The following ZBTB46 variants were observed in gnomAD, a reference collection of about 807,000 sequenced individuals.
The protein encoded by ZBTB46 is zinc finger and BTB domain-containing protein 46.
ZBTB46 carries 8 observed loss-of-function variants against 44.1 expected under a neutral mutation model. The observed-to-expected ratio is 0.18, with a 90% CI of 0.11 to 0.33. The LOEUF (loss-of-function observed/expected upper bound fraction) is 0.33, where lower values mean the gene tolerates loss of function less well. Among genes scored for constraint, ZBTB46 ranks in the 10% least tolerant of loss-of-function variants. ZBTB46 has a pLI of 1.00. For missense variants in ZBTB46, 651 were observed against 847.7 expected, an observed-to-expected ratio of 0.77 and a Z score of 2.88; for synonymous variants, 409 against 382.3, an observed-to-expected ratio of 1.07 and a Z score of -0.81.
chr20:63,800,826 G>T (rs66780440), intron 1 of ZBTB46, among the ~76,000 whole-genome samples: 1 of 152,098 alleles, frequency 6.6e-6, no homozygotes, highest in Non-Finnish European at 1.5e-5. Flanking sequence ...CCCCCTCCCC[G>T]CAGTGGGCTC....
At chr20:63,822,802 C>T (rs2092799612) in intron 1 of ZBTB46, among the ~76,000 whole-genome samples, 3 of 151,916 alleles carry the variant, frequency 2.0e-5, no homozygotes, top group Non-Finnish European at 2.9e-5. Context: ...ATGCTTGAGC[C>T]CAGGAGTTTG....
At chr20:63,772,722 AACACACACACACACACAC>A (rs67126549) in intron 3 of ZBTB46, among the ~76,000 whole-genome samples, 1 of 20,258 alleles carries the variant, frequency 4.9e-5, no homozygotes, top group African/African-American at 2.5e-4. Flanking sequence ...CTGTCTCAAA[AACACACACACACACACAC>A]ACACACACAC....
At chr20:63,759,789 A>G (rs1172473876) in intron 3 of ZBTB46, among the ~76,000 whole-genome samples, 1 of 151,912 alleles carries the variant, frequency 6.6e-6, no homozygotes, top group African/African-American at 2.4e-5. Flanking sequence ...TTTTTTGTAG[A>G]TACTTTTTGT....
At chr20:63,764,779 T>A (rs984012170) in intron 3 of ZBTB46, among the ~76,000 whole-genome samples, 5 of 151,480 alleles carry the variant, frequency 3.3e-5, no homozygotes. Flanking sequence ...ATTTTGTATT[T>A]TTAGTAGAGA....
At chr20:63,772,824 A>C (rs1333851869) in intron 3 of ZBTB46, among the ~76,000 whole-genome samples, 1 of 152,108 alleles carries the variant, frequency 6.6e-6, no homozygotes, top group Admixed American at 6.5e-5. Flanking sequence ...CTCAGGATGC[A>C]GAGGACACAG....
intron 1 of ZBTB46, among the ~76,000 whole-genome samples, chr20:63,822,042 CCTAT>C (rs1297954439): frequency 2.0e-5 from 3 of 152,166 alleles, no homozygotes; most frequent in Non-Finnish European, 2.9e-5. Flanking sequence ...TTTAACTTCC[CCTAT>C]CTAAGAAGCT....
chr20:63,819,617 G>A, intron 1 of ZBTB46, among the ~76,000 whole-genome samples: 1 of 152,264 alleles, frequency 6.6e-6, no homozygotes, highest in South Asian at 2.1e-4. Context: ...TGTCCCAGGG[G>A]CCAGACCAGA....
At chr20:63,754,889 G>A (rs913498161) in intron 3 of ZBTB46, among the ~76,000 whole-genome samples, 8 of 152,164 alleles carry the variant, frequency 5.3e-5, no homozygotes, top group Non-Finnish European at 1.0e-4. Flanking sequence ...GTGAGCCACC[G>A]CGCCTGGCCA....
At chr20:63,793,640 AC>A (rs1235206244) in intron 1 of ZBTB46, among the ~76,000 whole-genome samples, 4 of 78,868 alleles carry the variant, frequency 5.1e-5, no homozygotes, top group African/African-American at 2.1e-4. Context: ...GAAAACAACA[AC>A]AAAAAAAATG....
In ZBTB46 at chr20:63,752,952, G is replaced by A; in HGVS notation, c.1223-91C>T. 3 of 1,414,228 alleles carry A rather than the reference G, an allele frequency of 2.1e-6. No individual in the cohort carries two copies. Among genetic ancestry groups the A allele is most frequent in the Non-Finnish European group, 2.8e-6 (3 of 1,057,754 alleles). 87.6% of individuals were successfully genotyped at this position (1,414,228 alleles called of 1,614,324 possible). A position where few individuals can be genotyped will look rare whatever the true frequency, so the allele number is the denominator to read the frequency against. ...CACGGCTGCACGCCGCAGCCCAGCA[G>A]CCAGGACGGGCTGTCTCCCACGGCC... On this transcript the variant is annotated intron_variant, in intron 3 of 4. Coordinates refer to ENST00000245663, the MANE Select transcript of ZBTB46 (RefSeq NM_001369741.1). The surrounding 1 kb of genome is among the most constrained non-coding windows in gnomAD (Gnocchi z 5.6).
intron 2 of ZBTB46, among the ~76,000 whole-genome samples, chr20:63,788,722 C>T (rs935851693): frequency 5.9e-5 from 9 of 152,086 alleles, no homozygotes; most frequent in Admixed American, 2.6e-4. Context: ...GCCTGTAATC[C>T]CCAGCTAATC....
At chr20:63,811,223 C>T (rs757763894) in intron 1 of ZBTB46, among the ~76,000 whole-genome samples, 23 of 151,990 alleles carry the variant, frequency 1.5e-4, no homozygotes, top group Non-Finnish European at 2.9e-4. Context: ...GGTCCCAGAA[C>T]CCCACAGGAT....
chr20:63,830,652 G>T (rs1249232178), intron 1 of ZBTB46, among the ~76,000 whole-genome samples: 1 of 149,100 alleles, frequency 6.7e-6, no homozygotes, highest in African/African-American at 2.4e-5. Flanking sequence ...GCGCCAAGAC[G>T]CCCCCGGGCT....
At chr20:63,768,755 G>T (rs1316952701) in intron 3 of ZBTB46, among the ~76,000 whole-genome samples, 1 of 152,124 alleles carries the variant, frequency 6.6e-6, no homozygotes, top group East Asian at 1.9e-4. Flanking sequence ...GCTCTGCGCG[G>T]CTCGGGCTGG....
In ZBTB46 at chr20:63,746,892, C is replaced by G; in HGVS notation, c.*38G>C. Reference sequence around the variant, plus strand: ...CCCACCGGACACACACACGGGTGGACGGAGCGAGGCAGCCACCGACCCTGC... The same window carrying G: ...CCCACCGGACACACACACGGGTGGAGGGAGCGAGGCAGCCACCGACCCTGC... On this transcript the variant is annotated 3_prime_UTR_variant, in exon 5 of 5. Coordinates refer to ENST00000245663, the MANE Select transcript of ZBTB46 (RefSeq NM_001369741.1). 1 of 1,480,526 alleles carries G rather than the reference C, an allele frequency of 6.8e-7. No homozygotes were observed. Among genetic ancestry groups the G allele is most frequent in the South Asian group, 1.4e-5 (1 of 73,780 alleles). The allele number at this position is 1,480,526 out of a possible 1,614,324, so 91.7% of individuals were successfully genotyped here.
At chr20:63,751,811 C>A (rs1351372808) in intron 4 of ZBTB46, among the ~76,000 whole-genome samples, 15 of 143,970 alleles carry the variant, frequency 1.0e-4, no homozygotes, top group African/African-American at 1.3e-4. Flanking sequence ...GGTGGGTCTC[C>A]CCATGAAGCC....
At chr20:63,788,542 G>A (rs2092534119) in intron 2 of ZBTB46, among the ~76,000 whole-genome samples, 1 of 152,128 alleles carries the variant, frequency 6.6e-6, no homozygotes, top group Admixed American at 6.6e-5. Context: ...ATCATGAGGT[G>A]TAAGAAAAAA....
intron 2 of ZBTB46, among the ~76,000 whole-genome samples, chr20:63,785,218 G>A (rs1416634059): frequency 1.1e-4 from 7 of 64,582 alleles, no homozygotes; most frequent in Admixed American, 2.4e-4. Context: ...GCAACAGAGC[G>A]AGACTCAAAA....
intron 4 of ZBTB46, among the ~76,000 whole-genome samples, chr20:63,748,212 G>C (rs956537011): frequency 6.6e-6 from 1 of 152,260 alleles, no homozygotes; most frequent in Non-Finnish European, 1.5e-5. Flanking sequence ...AGGTGTGGCT[G>C]CCAGGGAGGG....
Sources: allele counts gnomAD v4.1 joint callset (sites outside exome capture counted in the v4.1 genomes callset), GRCh38; gene constraint gnomAD v4.1.1; non-coding constraint Gnocchi (gnomAD v3.1); transcripts MANE v1.5; gene names NCBI Gene and HGNC (gene_info 2026-07-23, HGNC 2026-07-21).